CERKL: variants seen among roughly 807,000 people sequenced by gnomAD.
CERKL encodes ceramide kinase-like protein.
A neutral mutation model predicts 63.4 loss-of-function variants in CERKL; 61 were observed. The ratio of observed to expected loss-of-function variants is 0.96; its 90% CI spans 0.78 to 1.19. The LOEUF is 1.19. Ranked by LOEUF, CERKL falls within the 50% of genes most tolerant of loss-of-function variation. The pLI, the probability that CERKL is intolerant of heterozygous loss-of-function variation, is 0.00. For missense variants in CERKL, 675 were observed against 655.5 expected, an observed-to-expected ratio of 1.03 and a Z score of -0.33; for synonymous variants, 250 against 230.5, an observed-to-expected ratio of 1.08 and a Z score of -0.77.
At chr2:181,573,661 A>G in intron 3 of CERKL, 92 bp downstream of exon 3, 1 of 1,113,982 alleles carries the variant, frequency 9.0e-7, no homozygotes. Flanking sequence ...TATTACAAGT[A>G]GTTTCCCAAG....
At chr2:181,560,243 C>T (rs1336348121) in intron 4 of CERKL, among the ~76,000 whole-genome samples, 1 of 151,978 alleles carries the variant, frequency 6.6e-6, no homozygotes, top group Non-Finnish European at 1.5e-5. Context: ...ATGGGTGTGA[C>T]CAAAAAGACT....
At chr2:181,652,739 AT>A (rs1687991356) in intron 1 of CERKL, among the ~76,000 whole-genome samples, 1 of 151,986 alleles carries the variant, frequency 6.6e-6, no homozygotes. Flanking sequence ...AAAATCCAAA[AT>A]ATATAAGAAA....
chr2:181,641,344 T>TAC (rs201154752), intron 1 of CERKL, among the ~76,000 whole-genome samples: 31 of 5,568 alleles, frequency 5.6e-3, no homozygotes, highest in African/African-American at 0.017. Flanking sequence ...TATATATATA[T>TAC]ACATATATAT....
At chr2:181,649,996 G>A (rs1333204501) in intron 1 of CERKL, 2 of 152,532 alleles carry the variant, frequency 1.3e-5, no homozygotes, top group African/African-American at 2.4e-5. Context: ...GAGGTGAGAG[G>A]ATTGCTTGAG....
At chr2:181,602,596 A>G (rs1574488180) in intron 2 of CERKL, among the ~76,000 whole-genome samples, 1 of 152,322 alleles carries the variant, frequency 6.6e-6, no homozygotes, top group African/African-American at 2.4e-5. Flanking sequence ...ACTTAGTAAG[A>G]GGGTCTTCCA....
rs904607286 is a variant in CERKL, at chr2:181,564,979, G to T, written c.677+1079C>A. On this transcript the variant is annotated intron_variant, in intron 4 of 12. Coordinates refer to ENST00000410087, the MANE Select transcript of CERKL (RefSeq NM_201548.5). Reference sequence around the variant, plus strand: ...AATGTTTATATAATATTGCTATCTAGATTTACTTCCCTCAATTAGATTCCT... The same window carrying T: ...AATGTTTATATAATATTGCTATCTATATTTACTTCCCTCAATTAGATTCCT... Among the ~76,000 whole-genome samples, 4 of 152,136 alleles carry T rather than the reference G, an allele frequency of 2.6e-5. No homozygotes were observed. The South Asian group carries it at 8.3e-4, about 32-fold the overall frequency.
chr2:181,617,012 A>T (rs1049664936), intron 1 of CERKL, among the ~76,000 whole-genome samples: 2 of 152,224 alleles, frequency 1.3e-5, no homozygotes, highest in African/African-American at 4.8e-5. Flanking sequence ...CCATATTAAC[A>T]TTTGCACTAA....
intron 2 of CERKL, among the ~76,000 whole-genome samples, chr2:181,579,770 A>G (rs888793161): frequency 6.6e-5 from 10 of 151,864 alleles, no homozygotes; most frequent in Non-Finnish European, 1.2e-4. Context: ...ATAAAAGGTA[A>G]AAAGTTGGGA....
chr2:181,619,567 GT>G (rs1388510446), intron 1 of CERKL, among the ~76,000 whole-genome samples: 17 of 152,136 alleles, frequency 1.1e-4, no homozygotes, highest in African/African-American at 3.4e-4. Context: ...TCCAATAAAA[GT>G]TTTTTATTGA....
chr2:181,537,672 A>C lies in CERKL; in HGVS notation c.*512T>G, dbSNP rs200675283. 35 of 433,856 alleles carry C rather than the reference A, an allele frequency of 8.1e-5. No individual in the cohort carries two copies. The highest frequency in any genetic ancestry group is 2.3e-4 in the Admixed American group (9 of 38,642). 26.9% of individuals were successfully genotyped at this position (433,856 alleles called of 1,614,324 possible). A position where few individuals can be genotyped will look rare whatever the true frequency, so the allele number is the denominator to read the frequency against. On this transcript the variant is annotated 3_prime_UTR_variant, in exon 13 of 13. Coordinates refer to ENST00000410087, the MANE Select transcript of CERKL (RefSeq NM_201548.5). ...AAAGAATCCAAATTATTTCAGAATT[A>C]TCTAGGTTAAATATTGATGTATTAT...
chr2:181,601,983 T>G (rs1320287293), intron 2 of CERKL, among the ~76,000 whole-genome samples: 1 of 152,220 alleles, frequency 6.6e-6, no homozygotes, highest in East Asian at 1.9e-4. Context: ...GATATGTAGT[T>G]TATTCATCTC....
intron 3 of CERKL, among the ~76,000 whole-genome samples, chr2:181,573,537 C>G (rs974511852): frequency 2.0e-5 from 3 of 151,924 alleles, no homozygotes; most frequent in Non-Finnish European, 4.4e-5. Flanking sequence ...GAAAAAATAT[C>G]TGAAAAAATT....
chr2:181,651,428 C>T (rs948586266), intron 1 of CERKL, among the ~76,000 whole-genome samples: 1 of 152,180 alleles, frequency 6.6e-6, no homozygotes, highest in East Asian at 1.9e-4. Context: ...ACTGTATGAT[C>T]ATTTTAATAG....
intron 2 of CERKL, among the ~76,000 whole-genome samples, chr2:181,589,421 T>A (rs1367710323): frequency 6.6e-6 from 1 of 152,232 alleles, no homozygotes; most frequent in East Asian, 1.9e-4. Flanking sequence ...CCACCTTTCA[T>A]AATAGTAATA....
chr2:181,614,817 T>G (rs1446291469), intron 1 of CERKL, among the ~76,000 whole-genome samples: 1 of 152,206 alleles, frequency 6.6e-6, no homozygotes, highest in African/African-American at 2.4e-5. Context: ...AATTCTACCT[T>G]AATGTTAAAA....
intron 2 of CERKL, among the ~76,000 whole-genome samples, chr2:181,577,518 C>G (rs1037130009): frequency 2.6e-5 from 4 of 152,186 alleles, no homozygotes; most frequent in Admixed American, 2.6e-4. Context: ...GCTATACAGT[C>G]CTGGGAAAGC....
intron 9 of CERKL, 39 bp from the exon 10 acceptor site, chr2:181,547,765 A>G (rs1343282440): frequency 6.2e-7 from 1 of 1,613,866 alleles, no homozygotes; most frequent in East Asian, 2.2e-5. Flanking sequence ...TTCCCTCACC[A>G]GAACAAAATG....
In CERKL at chr2:181,540,580, G is replaced by T. The variant is rs537533175; in HGVS notation, c.1366-1316C>A. On this transcript the variant is annotated intron_variant, in intron 11 of 12. Coordinates refer to ENST00000410087, the MANE Select transcript of CERKL (RefSeq NM_201548.5). ...CAGAGTCAGAGACTGGAGGGATGCA[G>T]CTGTAAGCCAAGGAATGTCAAGAAT... Among the ~76,000 whole-genome samples, 3 of 152,254 alleles carry T rather than the reference G, an allele frequency of 2.0e-5. No individual in the cohort carries two copies. The South Asian group carries it at 6.2e-4, about 32-fold the overall frequency.
chr2:181,611,210 G>A (rs1685955585), intron 1 of CERKL, among the ~76,000 whole-genome samples: 1 of 151,908 alleles, frequency 6.6e-6, no homozygotes, highest in Admixed American at 6.6e-5. Context: ...GCAACAGAGT[G>A]AAACTCCATC....
Sources: gnomAD v4.1 joint callset for allele counts (sites outside exome capture counted in the v4.1 genomes callset) on GRCh38, gnomAD v4.1.1 for gene constraint, MANE v1.5 for transcripts, NCBI Gene and HGNC (gene_info 2026-07-23, HGNC 2026-07-21) for gene names.